The following SRR variants were observed in gnomAD, a reference collection of about 807,000 sequenced individuals.
The protein encoded by SRR is serine racemase.
Under a neutral mutation model 32.7 loss-of-function variants are expected in SRR, and 19 were observed. The ratio of observed to expected loss-of-function variants is 0.58; its 90% CI spans 0.40 to 0.85. The LOEUF is 0.85. Among genes scored for constraint, SRR ranks in the 40% least tolerant of loss-of-function variants. The probability of loss-of-function intolerance (pLI) is 0.00; values close to 1 mark genes in which losing one functional copy is unlikely to be tolerated. For missense variants in SRR, 373 were observed against 404.7 expected (o/e 0.92, Z 0.67); for synonymous variants, 142 against 140.9 (o/e 1.01, Z -0.06).
In SRR at chr17:2,307,621, A is replaced by G. The variant is rs192026352; in HGVS notation, c.-5+3604A>G. On this transcript the variant is annotated intron_variant, in intron 1 of 7. Coordinates refer to ENST00000344595, the MANE Select transcript of SRR (RefSeq NM_021947.3). ...TTTGGAGGCAGAAGCTCTGGCCCCT[A>G]TGGTGGTGCAGGCCAATACTTTACC... 239 of 949,268 alleles carry G rather than the reference A, an allele frequency of 2.5e-4. 1 individual carries two copies. The highest frequency in any genetic ancestry group is 2.3e-4 in the African/African-American group (14 of 61,972). 58.8% of individuals were successfully genotyped at this position (949,268 alleles called of 1,614,324 possible).
At chr17:2,320,276 T>TA (rs1217943365) in intron 4 of SRR, among the ~76,000 whole-genome samples, 9 of 147,146 alleles carry the variant, frequency 6.1e-5, no homozygotes, top group South Asian at 2.2e-4. Flanking sequence ...TTTTTTTTTT[T>TA]AGACAGAATC....
intron 1 of SRR, chr17:2,307,461 T>C: frequency 7.0e-7 from 1 of 1,436,904 alleles, no homozygotes; most frequent in Non-Finnish European, 9.7e-7. Flanking sequence ...GCTGTGGTGG[T>C]GGTGGATATC....
chr17:2,305,749 G>T (rs1174486246), intron 1 of SRR, among the ~76,000 whole-genome samples: 2 of 152,062 alleles, frequency 1.3e-5, no homozygotes, highest in African/African-American at 2.4e-5. Flanking sequence ...GCCCAGGCTG[G>T]AGTGCAGTGG....
chr17:2,313,761 T>C (rs2075450526), intron 1 of SRR, among the ~76,000 whole-genome samples: 1 of 152,002 alleles, frequency 6.6e-6, no homozygotes, highest in Non-Finnish European at 1.5e-5. Context: ...AAAATGTTGA[T>C]AAATGTACTC....
At chr17:2,307,444 G>C (rs1273453721) in intron 1 of SRR, 48 of 1,397,306 alleles carry the variant, frequency 3.4e-5, no homozygotes, top group Non-Finnish European at 4.8e-5. Flanking sequence ...TGGTGGCTTT[G>C]GTGGCAGCTG....
chr17:2,323,011 C>A, intron 6 of SRR, 125 bp from the exon 7 acceptor site: 1 of 948,996 alleles, frequency 1.1e-6, no homozygotes, highest in Non-Finnish European at 1.6e-6. Context: ...CTGATCCACC[C>A]GCCTCGGGCT....
At chr17:2,311,486 G>A (rs1050038804) in intron 1 of SRR, among the ~76,000 whole-genome samples, 2 of 151,722 alleles carry the variant, frequency 1.3e-5, no homozygotes, top group Admixed American at 6.6e-5. Context: ...AAATACAGAC[G>A]TTTTTTGTAT....
At chr17:2,318,976 C>G in intron 4 of SRR, 47 bp downstream of exon 4, 1 of 1,331,010 alleles carries the variant, frequency 7.5e-7, no homozygotes, top group Non-Finnish European at 1.1e-6. Flanking sequence ...TTCATTTGAC[C>G]AATGGCTCTT....
At position 2,312,004 on chromosome 17, in the gene SRR, G is replaced by A. The variant is rs372618964; in HGVS notation, c.-4-3553G>A. Among the ~76,000 whole-genome samples the A allele has an allele frequency of 1.4e-4, 22 of 152,208 alleles. No homozygotes were observed. In the East Asian group the frequency reaches 3.9e-3, roughly 27 times the overall value. ...GCGGAAGGATCACTTGAGCTCAGGG[G>A]TTTGAGACCAGCCTGGGCAACACAG... On this transcript the variant is annotated intron_variant, in intron 1 of 7. Coordinates refer to ENST00000344595, the MANE Select transcript of SRR (RefSeq NM_021947.3).
At chr17:2,304,704 G>A (rs995771162) in intron 1 of SRR, among the ~76,000 whole-genome samples, 40 of 151,406 alleles carry the variant, frequency 2.6e-4, no homozygotes, top group African/African-American at 8.7e-4. Context: ...GCAGTGAGCC[G>A]AGATCGCGCC....
chr17:2,304,838 G>C (rs935084594), intron 1 of SRR, among the ~76,000 whole-genome samples: 1 of 152,002 alleles, frequency 6.6e-6, no homozygotes, highest in African/African-American at 2.4e-5. Flanking sequence ...TGGATCTCAG[G>C]TTGACTTTTT....
rs776120494 is a variant in SRR at position 2,318,919 on chromosome 17, C to G, written c.389C>G (p.Pro130Arg). ...GGAGCGTCAATTGTATACTGTGAAC[C>G]TAGTGATGAGGTAAGGAGAGCAGTG... ...AYGASIVYCE[P>R]SDESRENVAK... The change falls in exon 4 of 8, where the codon CCT (proline) becomes CGT (arginine). Residue 130 changes from proline to arginine, a missense_variant. By Grantham distance (103) the Pro-to-Arg change is moderately radical. Transcript: ENST00000344595. 6.2e-7 allele frequency: 1 copy of G among 1,611,802 alleles called. No homozygotes were observed. The highest frequency in any genetic ancestry group is 2.2e-5 in the East Asian group (1 of 44,854).
In SRR at chr17:2,323,163, G is replaced by A; in HGVS notation, c.622G>A (p.Ala208Thr). 1.2e-6 allele frequency: 2 copies of A among 1,614,210 alleles called. No homozygotes were observed. Among genetic ancestry groups the A allele is most frequent in the South Asian group, 1.1e-5 (1 of 91,082 alleles). Reference protein sequence around the residue: ...KALKPSVKVYAAEPSNADDCY... With the variant: ...KALKPSVKVYTAEPSNADDCY... ...TCTGAAACCTAGTGTGAAGGTATAT[G>A]CTGCTGAACCCTCAAATGCAGATGA... is the stretch of plus-strand genomic sequence containing the variant. The change falls in exon 7 of 8, where the codon GCT becomes ACT. Residue 208 changes from alanine to threonine, a missense_variant. Physicochemically the swap from Ala to Thr is moderately conservative, Grantham distance 58 (BLOSUM62 0). Coordinates refer to ENST00000344595, the MANE Select transcript of SRR (RefSeq NM_021947.3).
chr17:2,321,705 A>G (rs1040159446), intron 6 of SRR, 89 bp downstream of exon 6: 3 of 1,176,598 alleles, frequency 2.5e-6, no homozygotes, highest in African/African-American at 3.0e-5. Flanking sequence ...AACATTCTGC[A>G]CACATTACCA....
chr17:2,313,039 G>A (rs376383229), intron 1 of SRR, among the ~76,000 whole-genome samples: 1 of 152,156 alleles, frequency 6.6e-6, no homozygotes, highest in Non-Finnish European at 1.5e-5. Flanking sequence ...CAAGCCTCCC[G>A]CCTTAGCCTC....
In SRR at chr17:2,324,118, CTT is replaced by C. The variant is rs1306862000; in HGVS notation, c.*247_*248del. 1.1e-5 allele frequency: 16 copies of C among 1,492,360 alleles called. No individual in the cohort carries two copies. Among genetic ancestry groups the C allele is most frequent in the African/African-American group, 1.4e-5 (1 of 71,202 alleles). 92.4% of individuals were successfully genotyped at this position (1,492,360 alleles called of 1,614,324 possible). On this transcript the variant is annotated 3_prime_UTR_variant, in exon 8 of 8. Coordinates refer to ENST00000344595, the MANE Select transcript of SRR (RefSeq NM_021947.3). Reference sequence around the variant, plus strand: ...CTGACAGGCTGACATAGAAAATAAACTTTGCCCAATCACAACTTGTGCCTCCC... The same window carrying C: ...CTGACAGGCTGACATAGAAAATAAACTGCCCAATCACAACTTGTGCCTCCC...
chr17:2,315,778 C>G (rs1202076791), intron 2 of SRR, 50 bp downstream of exon 2: 3 of 1,550,438 alleles, frequency 1.9e-6, no homozygotes, highest in Non-Finnish European at 2.7e-6. Flanking sequence ...CACCCTTTCA[C>G]ATATCAGTTT....
At chr17:2,307,514 C>T (rs2075400217) in intron 1 of SRR, 3 of 1,351,534 alleles carry the variant, frequency 2.2e-6, no homozygotes, top group Non-Finnish European at 3.1e-6. Context: ...ATGATGGAAG[C>T]AATTTTGGAG....
chr17:2,323,228 T>G lies in SRR; in HGVS notation c.687T>G (p.Asn229Lys), dbSNP rs747532264. 1.9e-6 allele frequency: 3 copies of G among 1,614,232 alleles called. No individual in the cohort carries two copies. The highest frequency in any genetic ancestry group is 2.5e-6 in the Non-Finnish European group (3 of 1,180,044). The change falls in exon 7 of 8, where the codon AAT becomes AAG. Residue 229 changes from asparagine to lysine, a missense_variant. By Grantham distance (94) the Asn-to-Lys change is moderately conservative. Transcript: ENST00000344595. ...AGCTGAAGGGGAAACTGATGCCCAATCTTTATCCTCCAGAAACCATAGCAG... is the reference window on the plus strand; with the variant it reads ...AGCTGAAGGGGAAACTGATGCCCAAGCTTTATCCTCCAGAAACCATAGCAG... Reference protein sequence around the residue: ...QSKLKGKLMPNLYPPETIADG... With the variant: ...QSKLKGKLMPKLYPPETIADG...
Sources: gnomAD v4.1 joint callset for allele counts (sites outside exome capture counted in the v4.1 genomes callset) on GRCh38, gnomAD v4.1.1 for gene constraint, MANE v1.5 for transcripts, NCBI Gene and HGNC (gene_info 2026-07-23, HGNC 2026-07-21) for gene names.